WWC2: variants seen among roughly 807,000 people sequenced by gnomAD.
WWC2 encodes the protein protein WWC2.
A neutral mutation model predicts 138.5 loss-of-function variants in WWC2; 101 were observed. That is an observed-to-expected ratio of 0.73 (90% confidence interval 0.62 to 0.86). The LOEUF is 0.86. Among genes scored for constraint, WWC2 ranks in the 40% least tolerant of loss-of-function variants. The pLI is 0.00. For missense variants in WWC2, 1,420 were observed against 1,419.4 expected, an observed-to-expected ratio of 1.00 and a Z score of -0.01; for synonymous variants, 558 against 538.4, an observed-to-expected ratio of 1.04 and a Z score of -0.50.
chr4:183,173,329 C>T (rs981742622), intron 1 of WWC2, among the ~76,000 whole-genome samples: 2 of 152,014 alleles, frequency 1.3e-5, no homozygotes, highest in African/African-American at 2.4e-5. Flanking sequence ...TGGGATTGCA[C>T]GTGTGAGCCA....
At chr4:183,217,733 T>C (rs569559301) in intron 4 of WWC2, among the ~76,000 whole-genome samples, 1 of 152,200 alleles carries the variant, frequency 6.6e-6, no homozygotes, top group African/African-American at 2.4e-5. Flanking sequence ...GAAAATGAAT[T>C]ACACAGAGAA....
At chr4:183,265,816 C>T (rs776015400) in intron 13 of WWC2, 48 bp downstream of exon 13, 1 of 1,607,914 alleles carries the variant, frequency 6.2e-7, no homozygotes, top group South Asian at 1.1e-5. Flanking sequence ...CTGTGCAGGG[C>T]AAGTGGCCTG....
At chr4:183,164,352 ATATACATATATATATT>A in intron 1 of WWC2, among the ~76,000 whole-genome samples, 3 of 188 alleles carry the variant, frequency 0.016, no homozygotes, top group African/African-American at 0.033. Flanking sequence ...TATATATTAT[ATATACATATATATATT>A]ATATATACAT....
At chr4:183,289,297 G>A in intron 20 of WWC2, 96 bp from the exon 21 acceptor site, 2 of 1,496,906 alleles carry the variant, frequency 1.3e-6, no homozygotes, top group Non-Finnish European at 1.8e-6. Flanking sequence ...TAGGGTGCAA[G>A]GAAGCACCAT....
At chr4:183,155,144 A>C (rs2111126509) in intron 1 of WWC2, among the ~76,000 whole-genome samples, 1 of 151,516 alleles carries the variant, frequency 6.6e-6, no homozygotes, top group Admixed American at 6.6e-5. Flanking sequence ...GGGCTGTCAT[A>C]CTGCTTATTT....
chr4:183,296,007 TCTC>T (rs1738620745), intron 21 of WWC2, among the ~76,000 whole-genome samples: 1 of 152,220 alleles, frequency 6.6e-6, no homozygotes, highest in African/African-American at 2.4e-5. Context: ...TTCACTTTCA[TCTC>T]CTAATTGTCA....
chr4:183,262,868 G>A (rs1737375344), intron 11 of WWC2, among the ~76,000 whole-genome samples: 1 of 152,156 alleles, frequency 6.6e-6, no homozygotes, highest in African/African-American at 2.4e-5. Context: ...AGTCACCAAC[G>A]TGTTTGGGTA....
intron 20 of WWC2, among the ~76,000 whole-genome samples, 170 bp downstream of exon 20, chr4:183,286,229 A>T (rs1017225476): frequency 6.6e-6 from 1 of 152,012 alleles, no homozygotes; most frequent in African/African-American, 2.4e-5. Context: ...CACTATGGAG[A>T]TGGGGGGGTG....
At chr4:183,250,091 C>A in intron 8 of WWC2, 98 bp downstream of exon 8, 2 of 1,097,732 alleles carry the variant, frequency 1.8e-6, no homozygotes, top group Non-Finnish European at 2.7e-6. Context: ...ACTCCCCATA[C>A]ATTCTTACCA....
chr4:183,114,732 G>A (rs1305894091), intron 1 of WWC2, among the ~76,000 whole-genome samples: 1 of 151,790 alleles, frequency 6.6e-6, no homozygotes, highest in East Asian at 1.9e-4. Flanking sequence ...TTGTTAATGT[G>A]GGTAGATAGT....
intron 2 of WWC2, among the ~76,000 whole-genome samples, chr4:183,200,723 T>A (rs1278195374): frequency 6.6e-6 from 1 of 152,120 alleles, no homozygotes; most frequent in Non-Finnish European, 1.5e-5. Flanking sequence ...CACGTGGGCC[T>A]CTCCACAGGA....
chr4:183,249,518 T>A lies in WWC2; in HGVS notation c.880-402T>A, dbSNP rs144534110. On this transcript the variant is annotated intron_variant, in intron 7 of 22. Coordinates refer to ENST00000403733, the MANE Select transcript of WWC2 (RefSeq NM_024949.6). ...AATTAATTTTTGAACTTATTTAGTT[T>A]ATATTTTGTACAGTTGAAAGCTAAA... Among the ~76,000 whole-genome samples the A allele has an allele frequency of 8.5e-3, 1,293 of 152,330 alleles. 32 individuals carry two copies. The highest frequency in any genetic ancestry group is 0.029 in the African/African-American group (1,220 of 41,576).
At chr4:183,210,010 A>G (rs926201540) in intron 4 of WWC2, among the ~76,000 whole-genome samples, 1 of 152,098 alleles carries the variant, frequency 6.6e-6, no homozygotes, top group Admixed American at 6.5e-5. Flanking sequence ...TGTTAATTTG[A>G]TGGCTCGCCT....
At chr4:183,275,902 G>T (rs969326762) in intron 16 of WWC2, among the ~76,000 whole-genome samples, 1 of 152,056 alleles carries the variant, frequency 6.6e-6, no homozygotes. Flanking sequence ...GTACTTTTTT[G>T]TGTGTGGAAT....
intron 21 of WWC2, among the ~76,000 whole-genome samples, chr4:183,294,188 A>G (rs115499901): frequency 0.016 from 2,504 of 152,276 alleles, 62 homozygotes; most frequent in African/African-American, 0.057. Flanking sequence ...TAGTTTGCCA[A>G]CTGCTGATAC....
chr4:183,139,368 C>G (rs1450362353), intron 1 of WWC2, among the ~76,000 whole-genome samples: 1 of 152,186 alleles, frequency 6.6e-6, no homozygotes, highest in East Asian at 1.9e-4. Context: ...TAATGGCCTA[C>G]TTGACAGGTC....
Position 183,284,344 on chromosome 4 carries a change from G to T in WWC2, c.3002G>T (p.Arg1001Leu). The T allele has an allele frequency of 1.2e-6, 2 of 1,613,766 alleles. No homozygotes were observed. Among genetic ancestry groups the T allele is most frequent in the Non-Finnish European group, 1.7e-6 (2 of 1,179,880 alleles). Residue 1001 changes from arginine to leucine, a missense_variant, in exon 19 of 23, where the codon CGC (arginine) becomes CTC (leucine). By Grantham distance (102) the Arg-to-Leu change is moderately radical (BLOSUM62 -2). Transcript: ENST00000403733. ...HPFVRSSVIVRSQTFSPGERN... is the reference protein window; with the variant it reads ...HPFVRSSVIVLSQTFSPGERN... ...TTTGTGAGGAGCAGTGTGATAGTGC[G>T]CTCACAGACCTTTTCTCCAGGAGAG...
intron 1 of WWC2, among the ~76,000 whole-genome samples, chr4:183,172,556 G>GTTTTTTTTTT (rs61599876): frequency 1.3e-4 from 15 of 113,032 alleles, no homozygotes; most frequent in East Asian, 2.7e-4. Context: ...TATGTTTCTT[G>GTTTTTTTTTT]TTTTTTTTTT....
chr4:183,207,648 G>A (rs145506775), intron 2 of WWC2, among the ~76,000 whole-genome samples: 62 of 152,228 alleles, frequency 4.1e-4, no homozygotes, highest in Middle Eastern at 3.4e-3. Context: ...TTGAGTGCTG[G>A]AATGAATAGC....
Sources: gnomAD v4.1 joint callset for allele counts (sites outside exome capture counted in the v4.1 genomes callset) on GRCh38, gnomAD v4.1.1 for gene constraint, MANE v1.5 for transcripts, NCBI Gene and HGNC (gene_info 2026-07-23, HGNC 2026-07-21) for gene names.